The following EGFLAM variants were observed in gnomAD, a reference collection of about 807,000 sequenced individuals.
EGFLAM encodes the protein pikachurin.
A neutral mutation model predicts 113.1 loss-of-function variants in EGFLAM; 79 were observed. That is an observed-to-expected ratio of 0.70 (90% CI 0.58 to 0.84). EGFLAM has a LOEUF of 0.84. Among genes scored for constraint, EGFLAM ranks in the 40% least tolerant of loss-of-function variants. The probability of loss-of-function intolerance (pLI) is 0.00; values close to 1 mark genes in which losing one functional copy is unlikely to be tolerated. For missense variants in EGFLAM, 1,265 were observed against 1,291.6 expected (o/e 0.98, Z 0.32); for synonymous variants, 504 against 487.6 (o/e 1.03, Z -0.44).
In EGFLAM at chr5:38,350,541, G is replaced by T; in HGVS notation, c.332G>T (p.Arg111Leu). Reference protein sequence around the residue: ...IGDLKPGTEYRVSIAAYSQAG... With the variant: ...IGDLKPGTEYLVSIAAYSQAG... Reference sequence around the variant, plus strand: ...GATTTGAAACCAGGCACTGAATATCGTGTGAGCATAGCAGCTTACAGCCAG... The same window carrying T: ...GATTTGAAACCAGGCACTGAATATCTTGTGAGCATAGCAGCTTACAGCCAG... The change falls in exon 4 of 22, where the codon CGT becomes CTT. Residue 111 changes from arginine (R) to leucine (L), a missense_variant. By Grantham distance (102) the Arg-to-Leu change is moderately radical. Coordinates refer to ENST00000322350, the MANE Select transcript of EGFLAM (RefSeq NM_152403.4). 6.2e-7 allele frequency: 1 copy of T among 1,613,898 alleles called. No individual in the cohort carries two copies. The highest frequency in any genetic ancestry group is 8.5e-7 in the Non-Finnish European group (1 of 1,179,868).
At position 38,384,630 on chromosome 5, in the gene EGFLAM, C is replaced by T. The variant is rs544923621; in HGVS notation, c.712+14168C>T. On this transcript the variant is annotated intron_variant, in intron 6 of 21. Transcript: ENST00000322350. The stretch of plus-strand genomic sequence containing the variant: ...CCCAGCCACATGTGGGAAAATCCTG[C>T]GGTTAGACTGAAGGCAGTCTGTGCA... 2.4e-4 allele frequency among the ~76,000 whole-genome samples: 37 copies of T among 152,242 alleles called. No homozygotes were observed. In the East Asian group the frequency reaches 2.9e-3, roughly 12 times the overall value.
chr5:38,371,947 C>A (rs1259069727), intron 6 of EGFLAM, among the ~76,000 whole-genome samples: 8 of 152,172 alleles, frequency 5.3e-5, no homozygotes, highest in Admixed American at 5.2e-4. Context: ...ATCCACCCTC[C>A]CCATGGAACT....
At chr5:38,267,630 A>G (rs1757664813) in intron 1 of EGFLAM, among the ~76,000 whole-genome samples, 1 of 152,198 alleles carries the variant, frequency 6.6e-6, no homozygotes, top group Non-Finnish European at 1.5e-5. Context: ...GGGGGAGCTT[A>G]GTTAACACTT....
chr5:38,407,674 GA>G, intron 8 of EGFLAM, 130 bp from the exon 9 acceptor site: 1 of 620,870 alleles, frequency 1.6e-6, no homozygotes, highest in Non-Finnish European at 2.8e-6. Flanking sequence ...GTATAGAAAA[GA>G]AGATAGCGAA....
intron 6 of EGFLAM, among the ~76,000 whole-genome samples, chr5:38,387,044 A>G (rs1224431895): frequency 6.6e-6 from 1 of 152,134 alleles, no homozygotes; most frequent in East Asian, 1.9e-4. Context: ...ATCACTGGTA[A>G]AAGTTAAGTG....
intron 5 of EGFLAM, among the ~76,000 whole-genome samples, chr5:38,361,501 G>A (rs2561138): frequency 0.54 from 81,802 of 152,034 alleles, 23,729 homozygotes; most frequent in East Asian, 0.67. Context: ...TTGGACACAG[G>A]CAGTCATGGG....
chr5:38,316,434 A>G (rs1738595195), intron 1 of EGFLAM, among the ~76,000 whole-genome samples: 1 of 152,138 alleles, frequency 6.6e-6, no homozygotes, highest in Non-Finnish European at 1.5e-5. Context: ...TGGAATAGCT[A>G]CTTAACTTCT....
At chr5:38,411,483 C>CTT (rs759299989) in intron 10 of EGFLAM, among the ~76,000 whole-genome samples, 103 of 113,396 alleles carry the variant, frequency 9.1e-4, no homozygotes, top group Non-Finnish European at 1.4e-3. Flanking sequence ...TCATTAATTT[C>CTT]TTTTTTTTTT....
At chr5:38,403,770 G>T in intron 6 of EGFLAM, 1 of 1,595,342 alleles carries the variant, frequency 6.3e-7, no homozygotes, top group Non-Finnish European at 8.6e-7. Context: ...CAGATAAGGG[G>T]GACTGCTTGC....
chr5:38,269,725 A>G (rs1757722416), intron 1 of EGFLAM, among the ~76,000 whole-genome samples: 1 of 151,988 alleles, frequency 6.6e-6, no homozygotes, highest in Non-Finnish European at 1.5e-5. Flanking sequence ...TCCTGACCTC[A>G]TGATCCGCCC....
In EGFLAM at chr5:38,409,079, A is replaced by G. The variant is rs1170598636; in HGVS notation, c.1324A>G (p.Ile442Val). 1.9e-6 allele frequency: 3 copies of G among 1,587,342 alleles called. No homozygotes were observed. Among genetic ancestry groups the G allele is most frequent in the South Asian group, 1.1e-5 (1 of 87,038 alleles). Residue 442 changes from isoleucine (I) to valine (V), a missense_variant, in exon 10 of 22, where the codon ATC becomes GTC. By Grantham distance (29) the Ile-to-Val change is conservative (BLOSUM62 3). Transcript: ENST00000322350. ...HGRGDFMSLA[I>V]IRRSLQFRFN... is the part of the protein sequence containing the mutation. Reference sequence around the variant, plus strand: ...GAGGGGGGATTTCATGTCCCTGGCTATCATCCGACGCTCCCTGCAGTTCAG... The same window carrying G: ...GAGGGGGGATTTCATGTCCCTGGCTGTCATCCGACGCTCCCTGCAGTTCAG...
In EGFLAM at chr5:38,406,933, A is replaced by C; in HGVS notation, c.934A>C (p.Thr312Pro). The C allele has an allele frequency of 1.9e-6, 3 of 1,614,160 alleles. No homozygotes were observed. Among genetic ancestry groups the C allele is most frequent in the Non-Finnish European group, 8.5e-7 (1 of 1,180,032 alleles). ...PKTISRLIPP[T>P]SASLPVTTVA... is the part of the protein sequence containing the mutation. ...GACCATTTCTAGGCTCATCCCCCCT[A>C]CCTCAGCATCTCTCCCTGTGACCAC... Residue 312 changes from threonine to proline, a missense_variant, in exon 8 of 22, where the codon ACC (threonine) becomes CCC (proline). By Grantham distance (38) the Thr-to-Pro change is conservative (BLOSUM62 -1). Transcript: ENST00000322350.
At chr5:38,300,161 T>A (rs1308349711) in intron 1 of EGFLAM, among the ~76,000 whole-genome samples, 1 of 152,148 alleles carries the variant, frequency 6.6e-6, no homozygotes, top group Admixed American at 6.5e-5. Flanking sequence ...GTCAGCAATA[T>A]GAAGAACAAC....
At chr5:38,306,619 C>T (rs773569091) in intron 1 of EGFLAM, among the ~76,000 whole-genome samples, 6 of 152,122 alleles carry the variant, frequency 3.9e-5, no homozygotes, top group South Asian at 4.1e-4. Context: ...TAGTTACATG[C>T]GGAATATACA....
intron 1 of EGFLAM, among the ~76,000 whole-genome samples, chr5:38,270,908 T>TGTA (rs1175701838): frequency 6.6e-6 from 1 of 152,204 alleles, no homozygotes; most frequent in Non-Finnish European, 1.5e-5. Flanking sequence ...CTATATTTAT[T>TGTA]GTAACCCCAA....
At chr5:38,275,749 A>G (rs1238282715) in intron 1 of EGFLAM, among the ~76,000 whole-genome samples, 2 of 152,212 alleles carry the variant, frequency 1.3e-5, no homozygotes, top group Non-Finnish European at 2.9e-5. Flanking sequence ...ATTCTATCTA[A>G]CAGTTGCAGA....
At chr5:38,385,381 C>T (rs1740634792) in intron 6 of EGFLAM, among the ~76,000 whole-genome samples, 1 of 149,166 alleles carries the variant, frequency 6.7e-6, no homozygotes, top group Admixed American at 6.9e-5. Context: ...CCTGTGTACA[C>T]TCTCCTGTAT....
chr5:38,406,144 G>T lies in EGFLAM; in HGVS notation c.731G>T (p.Ser244Ile), dbSNP rs745993710. The T allele has an allele frequency of 3.7e-6, 6 of 1,614,058 alleles. No individual in the cohort carries two copies. The African/African-American group carries it at 8.0e-5, about 22-fold the overall frequency. Residue 244 changes from serine (S) to isoleucine (I), a missense_variant, in exon 7 of 22, where the codon AGT becomes ATT. By Grantham distance (142) the Ser-to-Ile change is moderately radical. Transcript: ENST00000322350. ...IRTLCPEEAG[S>I]GRYGPRYITD... ...TGTGAAGGCCCTGAGGAGGCGGGAA[G>T]TGGCCGCTATGGACCCCGTTATATC...
chr5:38,462,372 A>G (rs1344543957), intron 20 of EGFLAM, among the ~76,000 whole-genome samples: 1 of 152,068 alleles, frequency 6.6e-6, no homozygotes, highest in Non-Finnish European at 1.5e-5. Flanking sequence ...TTCAGGATAA[A>G]TTCTCAACTC....
Sources: allele counts gnomAD v4.1 joint callset (sites outside exome capture counted in the v4.1 genomes callset), GRCh38; gene constraint gnomAD v4.1.1; transcripts MANE v1.5; gene names NCBI Gene and HGNC (gene_info 2026-07-23, HGNC 2026-07-21).